The following WDFY1 variants were observed in gnomAD, a reference collection of about 807,000 sequenced individuals.
WDFY1 encodes the protein WD repeat and FYVE domain-containing protein 1.
Under a neutral mutation model 56.4 loss-of-function variants are expected in WDFY1, and 32 were observed. That is an observed-to-expected ratio of 0.57 (90% CI 0.43 to 0.76). WDFY1 has a LOEUF of 0.76. Ranked by LOEUF, WDFY1 falls within the 30% of genes least tolerant of loss-of-function variation. WDFY1 has a pLI of 0.00. For synonymous variants in WDFY1, 192 were observed against 197.3 expected (o/e 0.97, Z 0.23); for missense variants, 480 against 545.7 (o/e 0.88, Z 1.20).
rs1693326507 is a variant in WDFY1 at position 223,894,356 on chromosome 2, C to A, written c.726-17G>T. 1 of 1,613,540 alleles carries A rather than the reference C, an allele frequency of 6.2e-7. No individual in the cohort carries two copies. The highest frequency in any genetic ancestry group is 8.5e-7 in the Non-Finnish European group (1 of 1,179,514). ...ACCTTGTCACTGCAAACAGCACACA[C>A]AACAGTCACTTGTCTCCATGCGGAA... On this transcript the variant is annotated splice_polypyrimidine_tract_variant and intron_variant, in intron 7 of 11. Transcript: ENST00000233055.
chr2:223,903,006 T>C (rs183287457), intron 4 of WDFY1, among the ~76,000 whole-genome samples: 39 of 152,292 alleles, frequency 2.6e-4, no homozygotes, highest in African/African-American at 8.9e-4. Flanking sequence ...TTCTGCTGTT[T>C]GGTTTTTTCT....
Position 223,899,068 on chromosome 2 carries a change from T to G in WDFY1, c.488A>C (p.Tyr163Ser). ...FFTSWASCLQ[Y>S]DFDTQYAFVG... ...GAAAGCATACTGAGTGTCAAAGTCA[T>G]ATCTGAGGAGAAGCAGTCAAGGATG... Residue 163 changes from tyrosine to serine, a missense_variant and splice_region_variant, in exon 6 of 12, where the codon TAT becomes TCT. Coordinates refer to ENST00000233055, the MANE Select transcript of WDFY1 (RefSeq NM_020830.5). 6.2e-7 allele frequency: 1 copy of G among 1,613,478 alleles called. No homozygotes were observed. Among genetic ancestry groups the G allele is most frequent in the Non-Finnish European group, 8.5e-7 (1 of 1,179,412 alleles).
chr2:223,892,661 C>A (rs185910935), intron 8 of WDFY1, among the ~76,000 whole-genome samples: 1 of 152,216 alleles, frequency 6.6e-6, no homozygotes, highest in African/African-American at 2.4e-5. Context: ...GAATCAGACT[C>A]ACAAAGAATC....
chr2:223,944,925 G>A (rs1007940245), intron 1 of WDFY1, among the ~76,000 whole-genome samples: 2 of 152,150 alleles, frequency 1.3e-5, no homozygotes, highest in Non-Finnish European at 2.9e-5. Context: ...GGCTGGAGGG[G>A]CGCGGCGAGA....
chr2:223,897,753 T>C (rs182750358), intron 6 of WDFY1, among the ~76,000 whole-genome samples: 66 of 152,182 alleles, frequency 4.3e-4, no homozygotes, highest in African/African-American at 1.4e-3. Flanking sequence ...GGGGTGGATT[T>C]CTCACGAATG....
intron 1 of WDFY1, among the ~76,000 whole-genome samples, chr2:223,934,786 G>T (rs1004501913): frequency 2.0e-4 from 31 of 152,236 alleles, no homozygotes; most frequent in Admixed American, 5.2e-4. Context: ...CTCCCAAAGT[G>T]CTGGGGTTAC....
chr2:223,876,434 T>C lies in WDFY1; in HGVS notation c.*2237A>G, dbSNP rs1022421666. ...ATATCACCCCATTTGCTACCTAGCA[T>C]ATGAGAGAGACAAGACTAGCCTGTC... On this transcript the variant is annotated 3_prime_UTR_variant, in exon 12 of 12. Transcript: ENST00000233055. 1 of 152,566 alleles carries C rather than the reference T, an allele frequency of 6.6e-6. No individual in the cohort carries two copies. The highest frequency in any genetic ancestry group is 1.5e-5 in the Non-Finnish European group (1 of 68,024). The allele number at this position is 152,566 out of a possible 1,614,324, so 9.5% of individuals were successfully genotyped here.
intron 8 of WDFY1, among the ~76,000 whole-genome samples, chr2:223,890,687 T>G (rs1335087878): frequency 1.3e-5 from 2 of 152,196 alleles, no homozygotes; most frequent in African/African-American, 4.8e-5. Context: ...TTTTTGCACC[T>G]GCCAAATCTG....
chr2:223,895,480 C>A (rs778676452), intron 7 of WDFY1, 24 bp downstream of exon 7: 1 of 1,613,606 alleles, frequency 6.2e-7, no homozygotes, highest in South Asian at 1.1e-5. Context: ...GATTCTTTCC[C>A]CACCCCCACA....
intron 1 of WDFY1, among the ~76,000 whole-genome samples, chr2:223,923,631 G>A (rs1693927601): frequency 6.6e-6 from 1 of 152,038 alleles, no homozygotes; most frequent in African/African-American, 2.4e-5. Context: ...CGTGGTGGCG[G>A]GCACCTGTAG....
chr2:223,897,390 A>ATATTTTTTTTTTTT (rs1461451983), intron 6 of WDFY1, among the ~76,000 whole-genome samples: 1 of 125,994 alleles, frequency 7.9e-6, no homozygotes, highest in African/African-American at 3.0e-5. Context: ...ATATATATAT[A>ATATTTTTTTTTTTT]TTTTTTAAGA....
chr2:223,902,366 C>T (rs1693520443), intron 4 of WDFY1, among the ~76,000 whole-genome samples: 1 of 152,132 alleles, frequency 6.6e-6, no homozygotes, highest in African/African-American at 2.4e-5. Flanking sequence ...AGTTGGAGAC[C>T]AGCCTGGGCA....
rs149741417 is a variant in WDFY1, at chr2:223,920,091, G to A, written c.138-2081C>T. Reference sequence around the variant, plus strand: ...CATTCACACTGGAGGAAAGCTGTGCGGCTGGTGGCTATAAGCACAAATTCA... The same window carrying A: ...CATTCACACTGGAGGAAAGCTGTGCAGCTGGTGGCTATAAGCACAAATTCA... On this transcript the variant is annotated intron_variant, in intron 1 of 11. Transcript: ENST00000233055. Among the ~76,000 whole-genome samples, 10 of 152,356 alleles carry A rather than the reference G, an allele frequency of 6.6e-5. No homozygotes were observed. In the East Asian group the frequency reaches 1.7e-3, roughly 26 times the overall value.
chr2:223,879,748 T>C (rs1004450342), intron 11 of WDFY1, among the ~76,000 whole-genome samples: 1 of 152,152 alleles, frequency 6.6e-6, no homozygotes, highest in South Asian at 2.1e-4. Flanking sequence ...AAATGTGTGG[T>C]TATTCCTTAT....
At chr2:223,941,963 C>T (rs1182397204) in intron 1 of WDFY1, among the ~76,000 whole-genome samples, 1 of 152,114 alleles carries the variant, frequency 6.6e-6, no homozygotes, top group African/African-American at 2.4e-5. Flanking sequence ...GTTGCAAGAG[C>T]CTGAACACAA....
At chr2:223,911,694 T>C (rs1693705995) in intron 3 of WDFY1, among the ~76,000 whole-genome samples, 2 of 151,984 alleles carry the variant, frequency 1.3e-5, no homozygotes, top group Non-Finnish European at 2.9e-5. Flanking sequence ...ATGAAGGCTA[T>C]GATCTGTGGG....
intron 3 of WDFY1, among the ~76,000 whole-genome samples, chr2:223,908,166 T>G (rs529353843): frequency 2.6e-5 from 4 of 152,316 alleles, no homozygotes; most frequent in South Asian, 2.1e-4. Flanking sequence ...CAAGGCTGCT[T>G]CTTTCATTAA....
intron 5 of WDFY1, chr2:223,900,925 TA>T (rs1297183444): frequency 1.0e-5 from 4 of 394,286 alleles, no homozygotes; most frequent in Non-Finnish European, 1.8e-5. Flanking sequence ...TTCATTTCAT[TA>T]TTTTTAATAA....
At position 223,895,503 on chromosome 2, in the gene WDFY1, C is replaced by G; in HGVS notation, c.725+1G>C. 1 of 1,613,950 alleles carries G rather than the reference C, an allele frequency of 6.2e-7. No individual in the cohort carries two copies. The highest frequency in any genetic ancestry group is 8.5e-7 in the Non-Finnish European group (1 of 1,179,880). On this transcript the variant is annotated splice_donor_variant, in intron 7 of 11. Transcript: ENST00000233055. LOFTEE classifies it high-confidence loss of function. ...CCCCACCCCCACAAGTGGTCACGCA[C>G]TGATGGCCCTGAAGTAACAGCGTCC...
Sources: allele counts gnomAD v4.1 joint callset (sites outside exome capture counted in the v4.1 genomes callset), GRCh38; gene constraint gnomAD v4.1.1; transcripts MANE v1.5; gene names NCBI Gene and HGNC (gene_info 2026-07-23, HGNC 2026-07-21).